HJURP: variants seen among roughly 807,000 people sequenced by gnomAD.
HJURP encodes Holliday junction recognition protein.
A neutral mutation model predicts 72.0 loss-of-function variants in HJURP; 49 were observed. The ratio of observed to expected loss-of-function variants is 0.68; its 90% CI spans 0.54 to 0.86. The LOEUF (loss-of-function observed/expected upper bound fraction) is 0.86. Among genes scored for constraint, HJURP ranks in the 40% least tolerant of loss-of-function variants. HJURP has a pLI of 0.00. For synonymous variants in HJURP, 357 were observed against 347.1 expected, an observed-to-expected ratio of 1.03 and a Z score of -0.32; for missense variants, 908 against 936.3, an observed-to-expected ratio of 0.97 and a Z score of 0.39.
rs1705365410 is a variant in HJURP, at chr2:233,846,451, CAAAAG to C, written c.403-636_403-632del. Among the ~76,000 whole-genome samples, 1 of 152,122 alleles carries C rather than the reference CAAAAG, an allele frequency of 6.6e-6. No individual in the cohort carries two copies. On this transcript the variant is annotated intron_variant, in intron 5 of 8. Transcript: ENST00000411486. The surrounding 1 kb of genome is among the most constrained non-coding windows in gnomAD (Gnocchi z 4.3). ...TGGGTGACAGAGTGAAACTCCATCT[CAAAAG>C]AACCAAAAACAAAAACAGAAATTCA... is the stretch of plus-strand genomic sequence containing the variant.
chr2:233,854,153 C>T (rs895121431), intron 1 of HJURP, among the ~76,000 whole-genome samples: 1 of 152,160 alleles, frequency 6.6e-6, no homozygotes, highest in African/African-American at 2.4e-5. Flanking sequence ...GTTCCGGAGG[C>T]CCCAGTCTTT....
chr2:233,838,219 G>A (rs904107069), intron 8 of HJURP, among the ~76,000 whole-genome samples: 15 of 152,170 alleles, frequency 9.9e-5, no homozygotes, highest in Non-Finnish European at 1.8e-4. Context: ...TGTTTATATT[G>A]TGGTTTAAAA....
intron 4 of HJURP, among the ~76,000 whole-genome samples, chr2:233,847,957 C>A (rs1705408545): frequency 6.6e-6 from 1 of 152,224 alleles, no homozygotes; most frequent in Non-Finnish European, 1.5e-5. Context: ...TATCAAATAA[C>A]TATTTCCTGT....
chr2:233,853,847 G>C lies in HJURP; in HGVS notation c.181C>G (p.Gln61Glu), dbSNP rs759070177. 1 of 1,613,704 alleles carries C rather than the reference G, an allele frequency of 6.2e-7. No homozygotes were observed. The highest frequency in any genetic ancestry group is 8.5e-7 in the Non-Finnish European group (1 of 1,179,580). ...QMATLTYETP[Q>E]GLRIWGGRLI... ...AGAAGGTGGGGAAGACCCTTACCCTGTGGCGTCTCGTAGGTCAGCGTGGCC... is the reference window on the plus strand; with the variant it reads ...AGAAGGTGGGGAAGACCCTTACCCTCTGGCGTCTCGTAGGTCAGCGTGGCC... Residue 61 changes from glutamine (Q) to glutamate (E), a missense_variant, in exon 2 of 9, where the codon CAG becomes GAG. By Grantham distance (29) the Gln-to-Glu change is conservative. This residue lies in a region of HJURP where 299 missense variants were observed against 286.7 expected (regional missense o/e 1.04). Transcript: ENST00000411486.
intron 4 of HJURP, among the ~76,000 whole-genome samples, chr2:233,848,234 G>A (rs896043686): frequency 1.3e-5 from 2 of 152,046 alleles, no homozygotes; most frequent in Admixed American, 6.5e-5. Flanking sequence ...AAAGGCTAGT[G>A]ACAAAACTGT....
chr2:233,850,067 G>A (rs919318242), intron 3 of HJURP, among the ~76,000 whole-genome samples: 11 of 152,214 alleles, frequency 7.2e-5, no homozygotes, highest in African/African-American at 2.7e-4. Flanking sequence ...TGCAGCGGGG[G>A]CTGCTACTTA....
intron 3 of HJURP, among the ~76,000 whole-genome samples, chr2:233,851,235 G>A (rs1464100405): frequency 7.9e-5 from 12 of 152,272 alleles, no homozygotes; most frequent in South Asian, 6.2e-4. Flanking sequence ...ACTTTAACCC[G>A]ATAATCCCAC....
At chr2:233,839,643 C>A (rs187525886) in intron 8 of HJURP, among the ~76,000 whole-genome samples, 1 of 152,166 alleles carries the variant, frequency 6.6e-6, no homozygotes, top group African/African-American at 2.4e-5. Flanking sequence ...CTGAGCTGGA[C>A]GCACGGCAGG....
rs1248228890 is a variant in HJURP, at chr2:233,840,525, C to T, written c.2171+84G>A. ...TTCGGCTGAGATTCACTAAACGTGG[C>T]GCAAAGATTCCTACCATAAAAAGCC... On this transcript the variant is annotated intron_variant, in intron 8 of 8. Transcript: ENST00000411486. The T allele has an allele frequency of 1.5e-5, 20 of 1,366,660 alleles. No homozygotes were observed. The Admixed American group carries it at 1.9e-4, about 13-fold the overall frequency. 84.7% of individuals were successfully genotyped at this position (1,366,660 alleles called of 1,614,324 possible).
chr2:233,854,428 T>G lies in HJURP; in HGVS notation c.73A>C (p.Ser25Arg). 6.2e-7 allele frequency: 1 copy of G among 1,611,160 alleles called. No homozygotes were observed. Among genetic ancestry groups the G allele is most frequent in the Non-Finnish European group, 8.5e-7 (1 of 1,179,108 alleles). Reference protein sequence around the residue: ...DDQLLQKLRASRRRFQRRMQR... With the variant: ...DDQLLQKLRARRRRFQRRMQR... Reference sequence around the variant, plus strand: ...ATGCGCCTCTGGAAGCGGCGGCGACTGGCCCTGAGCTTCTGCAGCAGCTGG... The same window carrying G: ...ATGCGCCTCTGGAAGCGGCGGCGACGGGCCCTGAGCTTCTGCAGCAGCTGG... The change falls in exon 1 of 9, where the codon AGT becomes CGT. Residue 25 changes from serine to arginine, a missense_variant. Physicochemically the swap from Ser to Arg is moderately radical, Grantham distance 110 (BLOSUM62 -1). Coordinates refer to ENST00000411486, the MANE Select transcript of HJURP (RefSeq NM_018410.5).
rs1423380236 is a variant in HJURP, at chr2:233,837,602, T to G, written c.2222A>C (p.Glu741Ala). 2 of 1,611,018 alleles carry G rather than the reference T, an allele frequency of 1.2e-6. No individual in the cohort carries two copies. Among genetic ancestry groups the G allele is most frequent in the Admixed American group, 3.3e-5 (2 of 59,976 alleles). Residue 741 changes from glutamate (E) to alanine (A), a missense_variant, in exon 9 of 9, where the codon GAA (glutamate) becomes GCA (alanine). By Grantham distance (107) the Glu-to-Ala change is moderately radical (BLOSUM62 -1). Around this residue, in one of 3 missense-constraint regions of HJURP, gnomAD observed 598 missense variants for 619.5 expected, o/e 0.97. Coordinates refer to ENST00000411486, the MANE Select transcript of HJURP (RefSeq NM_018410.5). ...RMEEKSDFML[E>A]KLETKSV ...CTACACACTTTTAGTTTCCAATTTT[T>G]CTAGCATGAAATCACTTTTCTCTTC...
At position 233,841,799 on chromosome 2, in the gene HJURP, G is replaced by A. The variant is rs752909605; in HGVS notation, c.981C>T (p.Cys327=). The change falls in exon 8 of 9, where the codon TGC becomes TGT. Residue 327 remains cysteine, a synonymous_variant. Transcript: ENST00000411486. The stretch of plus-strand genomic sequence containing the variant: ...CCCCTGTCCCTTTCACAGGCTCAGA[G>A]CAGGGTATGAAGTTCTCCTTGGAGC... ...QRSSKENFIP[C]SEPVKGTGAL... is the part of the protein sequence containing the mutation. 9 of 1,614,178 alleles carry A rather than the reference G, an allele frequency of 5.6e-6. No individual in the cohort carries two copies. The Admixed American group carries it at 1.2e-4, about 21-fold the overall frequency.
chr2:233,851,462 T>C (rs1705493895), intron 3 of HJURP, among the ~76,000 whole-genome samples: 1 of 152,220 alleles, frequency 6.6e-6, no homozygotes, highest in African/African-American at 2.4e-5. Flanking sequence ...AAGCCTAAAA[T>C]ATGTATCATC....
At chr2:233,844,974 CT>C (rs147078503) in intron 6 of HJURP, among the ~76,000 whole-genome samples, 24,730 of 150,992 alleles carry the variant, frequency 0.16, 2,014 homozygotes, top group Middle Eastern at 0.21. Context: ...CATCCCCCCC[CT>C]CCCAACATGA....
intron 8 of HJURP, among the ~76,000 whole-genome samples, chr2:233,839,315 G>GA (rs34389604): frequency 0.023 from 3,553 of 152,338 alleles, 174 homozygotes; most frequent in East Asian, 0.22. Flanking sequence ...TACCTGCACG[G>GA]AGCAGGCAGC....
At position 233,846,011 on chromosome 2, in the gene HJURP, G is replaced by A; in HGVS notation, c.403-191C>T. The A allele has an allele frequency of 2.0e-6, 1 of 510,306 alleles. No homozygotes were observed. The highest frequency in any genetic ancestry group is 3.5e-6 in the Non-Finnish European group (1 of 287,182). The allele number at this position is 510,306 out of a possible 1,614,324, so 31.6% of individuals were successfully genotyped here. On this transcript the variant is annotated intron_variant, in intron 5 of 8. Transcript: ENST00000411486. The surrounding 1 kb of genome is among the most constrained non-coding windows in gnomAD (Gnocchi z 4.3). Reference sequence around the variant, plus strand: ...TGCTATGTTAATAATCCAAAAGAATGTAAAAAGACACACACACACAAAAAA... The same window carrying A: ...TGCTATGTTAATAATCCAAAAGAATATAAAAAGACACACACACACAAAAAA...
chr2:233,840,491 A>G, intron 8 of HJURP, 118 bp downstream of exon 8: 1 of 1,018,354 alleles, frequency 9.8e-7, no homozygotes, highest in Non-Finnish European at 1.5e-6. Context: ...ATGATCACGT[A>G]TGTAAGAATT....
intron 8 of HJURP, among the ~76,000 whole-genome samples, chr2:233,840,283 A>C (rs1017976371): frequency 4.6e-5 from 7 of 152,228 alleles, no homozygotes; most frequent in Non-Finnish European, 1.0e-4. Flanking sequence ...GTTAGAAATG[A>C]AGGTTTGACA....
In HJURP at chr2:233,837,372, C is replaced by A; in HGVS notation, c.*205G>T. The A allele has an allele frequency of 7.2e-6, 3 of 417,168 alleles. No homozygotes were observed. Among genetic ancestry groups the A allele is most frequent in the East Asian group, 3.9e-5 (1 of 25,714 alleles). The allele number at this position is 417,168 out of a possible 1,614,324, so 25.8% of individuals were successfully genotyped here. ...AGAAAAACAGGCCTATCAAAGAGAA[C>A]CCTAAAAATTCTAATTGAGCAACTT... On this transcript the variant is annotated 3_prime_UTR_variant, in exon 9 of 9. Transcript: ENST00000411486.
Sources: gnomAD v4.1 joint callset for allele counts (sites outside exome capture counted in the v4.1 genomes callset) on GRCh38, gnomAD v4.1.1 for gene constraint, gnomAD v4.1.1 regional missense constraint, Gnocchi (gnomAD v3.1) non-coding constraint, MANE v1.5 for transcripts, NCBI Gene and HGNC (gene_info 2026-07-23, HGNC 2026-07-21) for gene names.